RP9: variants seen among roughly 807,000 people sequenced by gnomAD.
The protein encoded by RP9 is retinitis pigmentosa 9 protein.
In RP9, 23 loss-of-function variants were observed where a neutral mutation model predicts 32.6. The observed-to-expected ratio is 0.71, with a 90% CI of 0.51 to 1.00. RP9 has a LOEUF of 1.00. Among genes scored for constraint, RP9 ranks in the 50% least tolerant of loss-of-function variants. The pLI is 0.00. For missense variants in RP9, 245 were observed against 285.3 expected (o/e 0.86, Z 1.02); for synonymous variants, 94 against 103.6 (o/e 0.91, Z 0.56).
At chr7:33,095,702 A>G (rs770910206) in intron 5 of RP9, among the ~76,000 whole-genome samples, 1 of 152,226 alleles carries the variant, frequency 6.6e-6, no homozygotes, top group Non-Finnish European at 1.5e-5. Flanking sequence ...AATTTCTAAC[A>G]GACGCATACT....
chr7:33,099,568 T>A, intron 2 of RP9, 132 bp from the exon 3 acceptor site: 15 of 933,272 alleles, frequency 1.6e-5, no homozygotes, highest in Middle Eastern at 2.1e-4. Flanking sequence ...CCCTCAAAAC[T>A]AGAAAAAAAG....
At chr7:33,108,259 C>T (rs73307562) in intron 1 of RP9, among the ~76,000 whole-genome samples, 10,428 of 152,246 alleles carry the variant, frequency 0.068, 923 homozygotes, top group African/African-American at 0.2. Flanking sequence ...TTTTATGCAG[C>T]TAATTATAGA....
In RP9 at chr7:33,100,702, A is replaced by G. The variant is rs115405125; in HGVS notation, c.153-141T>C. 412 of 748,808 alleles carry G rather than the reference A, an allele frequency of 5.5e-4. 2 individuals are homozygous for G. The African/African-American group carries it at 6.5e-3, about 12-fold the overall frequency. The allele number at this position is 748,808 out of a possible 1,614,324, so 46.4% of individuals were successfully genotyped here. On this transcript the variant is annotated intron_variant, in intron 1 of 5. Coordinates refer to ENST00000297157, the MANE Select transcript of RP9 (RefSeq NM_203288.2). ...TTTATCACTGGTTTGCAGACAAGCA[A>G]TCACCTGAGAAGAGCAGAATGCTTC... is the stretch of plus-strand genomic sequence containing the variant.
chr7:33,108,021 G>A, intron 1 of RP9, among the ~76,000 whole-genome samples: 1 of 152,192 alleles, frequency 6.6e-6, no homozygotes, highest in East Asian at 1.9e-4. Flanking sequence ...ATCAGCTGCT[G>A]TGATTGTCTG....
At chr7:33,095,523 G>C (rs1011726807) in intron 5 of RP9, 91 bp from the exon 6 acceptor site, 20 of 1,567,174 alleles carry the variant, frequency 1.3e-5, no homozygotes, top group Non-Finnish European at 1.1e-5. Context: ...AAGCAGTATA[G>C]GATGATGAAT....
At chr7:33,105,831 CCTCTGGGT>C (rs1268659353) in intron 1 of RP9, among the ~76,000 whole-genome samples, 3 of 152,162 alleles carry the variant, frequency 2.0e-5, no homozygotes, top group Non-Finnish European at 4.4e-5. Flanking sequence ...AAAATAGTTT[CCTCTGGGT>C]CTCTGGGTCT....
chr7:33,101,226 C>T (rs1261625662), intron 1 of RP9, among the ~76,000 whole-genome samples: 1 of 152,076 alleles, frequency 6.6e-6, no homozygotes, highest in Non-Finnish European at 1.5e-5. Context: ...GGACTCTCGT[C>T]TTATGCATAG....
rs1179579577 is a variant in RP9, at chr7:33,109,343, C to T, written c.30G>A (p.Val10=). The part of the protein sequence containing the change: MSSRPGRED[V]GAAGARRPRE... ...GCGGCCGCCGCGCGCCCGCAGCCCC[C>T]ACGTCCTCGCGCCCAGGCCGGGACG... The change falls in exon 1 of 6, where the codon GTG becomes GTA. Residue 10 remains valine, a synonymous_variant. Transcript: ENST00000297157. This position sits in a 1 kb window ranked among gnomAD's most constrained non-coding sequence, Gnocchi z 4.9. 1.4e-6 allele frequency: 2 copies of T among 1,445,904 alleles called. No homozygotes were observed. Among genetic ancestry groups the T allele is most frequent in the South Asian group, 1.3e-5 (1 of 76,004 alleles). The allele number at this position is 1,445,904 out of a possible 1,614,324, so 89.6% of individuals were successfully genotyped here. A position where few individuals can be genotyped will look rare whatever the true frequency, so the allele number is the denominator to read the frequency against.
At position 33,109,151 on chromosome 7, in the gene RP9, GC is replaced by G. The variant is rs1306857050; in HGVS notation, c.152+69del. The G allele has an allele frequency of 1.2e-5, 18 of 1,455,822 alleles. No individual in the cohort carries two copies. The highest frequency in any genetic ancestry group is 1.6e-5 in the Non-Finnish European group (18 of 1,104,618). The allele number at this position is 1,455,822 out of a possible 1,614,324, so 90.2% of individuals were successfully genotyped here. A position where few individuals can be genotyped will look rare whatever the true frequency, so the allele number is the denominator to read the frequency against. ...CGGAGGACCCGGCCTAGCGCCCACC[GC>G]GGCGTCCCGCGCCCCGGGCCCCTGG... On this transcript the variant is annotated intron_variant, in intron 1 of 5. Transcript: ENST00000297157. The surrounding 1 kb of genome is among the most constrained non-coding windows in gnomAD (Gnocchi z 4.9).
chr7:33,098,048 C>T (rs1309523584), intron 3 of RP9, among the ~76,000 whole-genome samples: 1 of 152,068 alleles, frequency 6.6e-6, no homozygotes, highest in Non-Finnish European at 1.5e-5. Context: ...TGAGTCTGTT[C>T]AAAACTCTCA....
intron 1 of RP9, among the ~76,000 whole-genome samples, chr7:33,108,255 G>T (rs916497377): frequency 1.3e-5 from 2 of 152,224 alleles, no homozygotes; most frequent in African/African-American, 4.8e-5. Context: ...GTTGTTTTAT[G>T]CAGCTAATTA....
Position 33,095,294 on chromosome 7 carries a change from T to A in RP9, c.606A>T (p.Lys202Asn). The change falls in exon 6 of 6, where the codon AAA becomes AAT. Residue 202 changes from lysine to asparagine, a missense_variant. Coordinates refer to ENST00000297157, the MANE Select transcript of RP9 (RefSeq NM_203288.2). The part of the protein sequence containing the change: ...EKHKKRKKEK[K>N]KKKKRKHKSS... ...ATTTGTGCTTCCGTTTTTTCTTCTT[T>A]TTCTTTTCTTTCTTCCTTTTCTTAT... The A allele has an allele frequency of 6.2e-7, 1 of 1,612,472 alleles. No homozygotes were observed.
intron 1 of RP9, among the ~76,000 whole-genome samples, chr7:33,108,487 G>GT (rs1186101792): frequency 2.0e-5 from 3 of 152,284 alleles, no homozygotes; most frequent in Admixed American, 6.5e-5. Context: ...CTAAAATAAA[G>GT]TATGACTGCT....
intron 1 of RP9, among the ~76,000 whole-genome samples, chr7:33,103,066 C>T (rs1788450902): frequency 6.6e-6 from 1 of 151,970 alleles, no homozygotes; most frequent in Admixed American, 6.6e-5. Context: ...TTAAAAATGA[C>T]AGTGAAAAAA....
At position 33,095,288 on chromosome 7, in the gene RP9, C is replaced by T. The variant is rs576293321; in HGVS notation, c.612G>A (p.Lys204=). Residue 204 remains lysine (K), a synonymous_variant, in exon 6 of 6, where the codon AAG becomes AAA. Coordinates refer to ENST00000297157, the MANE Select transcript of RP9 (RefSeq NM_203288.2). The part of the protein sequence containing the change: ...HKKRKKEKKK[K]KKRKHKSSKS... ...TGGAAGATTTGTGCTTCCGTTTTTTCTTCTTTTTCTTTTCTTTCTTCCTTT... is the reference window on the plus strand; with the variant it reads ...TGGAAGATTTGTGCTTCCGTTTTTTTTTCTTTTTCTTTTCTTTCTTCCTTT... 99 of 1,611,638 alleles carry T rather than the reference C, an allele frequency of 6.1e-5. 1 individual carries two copies. In the African/African-American group the frequency reaches 1.2e-3, roughly 19 times the overall value.
rs1426378506 is a variant in RP9 at position 33,096,524 on chromosome 7, G to A, written c.436C>T (p.Arg146Ter). The part of the protein sequence containing the change: ...AHEDPMYDII[R>*]DNKRHEKDVR... ...TCCTTTTCATGTCGTTTATTGTCTC[G>A]TATGATGTCATACATGGGATCTTCA... Residue 146 changes from arginine (R) to a stop codon, truncating the protein, a stop_gained, in exon 5 of 6, where the codon CGA (arginine) becomes TGA (stop). Coordinates refer to ENST00000297157, the MANE Select transcript of RP9 (RefSeq NM_203288.2). LOFTEE classifies it high-confidence loss of function. 8.7e-6 allele frequency: 14 copies of A among 1,613,030 alleles called. No individual in the cohort carries two copies. The highest frequency in any genetic ancestry group is 2.2e-5 in the South Asian group (2 of 91,052).
chr7:33,100,440 A>G (rs930064140), intron 2 of RP9, 91 bp downstream of exon 2: 10 of 1,104,856 alleles, frequency 9.1e-6, no homozygotes, highest in Non-Finnish European at 1.1e-5. Flanking sequence ...GTAAAAGGAG[A>G]TTTAACATCA....
intron 1 of RP9, among the ~76,000 whole-genome samples, chr7:33,102,928 G>C (rs997495989): frequency 2.0e-5 from 3 of 152,226 alleles, no homozygotes; most frequent in Middle Eastern, 6.3e-3. Flanking sequence ...CTGTGGTGGA[G>C]ACTCAGGAGA....
chr7:33,098,691 A>C (rs2128032213), intron 3 of RP9, among the ~76,000 whole-genome samples: 1 of 152,348 alleles, frequency 6.6e-6, no homozygotes, highest in South Asian at 2.1e-4. Context: ...ACAAATAATC[A>C]AGGCAATGAA....
Sources: gnomAD v4.1 joint callset for allele counts (sites outside exome capture counted in the v4.1 genomes callset) on GRCh38, gnomAD v4.1.1 for gene constraint, Gnocchi (gnomAD v3.1) non-coding constraint, MANE v1.5 for transcripts, NCBI Gene and HGNC (gene_info 2026-07-23, HGNC 2026-07-21) for gene names.